Variants in CNBD1 observed in about 807,000 individuals in gnomAD.
CNBD1 encodes the protein cyclic nucleotide binding domain containing 1, also known as cyclic nucleotide-binding domain-containing protein 1.
A neutral mutation model predicts 54.4 loss-of-function variants in CNBD1; 71 were observed. The ratio of observed to expected loss-of-function variants is 1.30; its 90% CI spans 1.08 to 1.59. CNBD1 has a LOEUF of 1.59. Among genes scored for constraint, CNBD1 ranks in the 40% most tolerant of loss-of-function variants. The pLI is 0.00. For synonymous variants in CNBD1, 182 were observed against 170.7 expected (o/e 1.07, Z -0.51); for missense variants, 659 against 518.0 (o/e 1.27, Z -2.64).
At chr8:87,019,632 C>T (rs111586986) in intron 4 of CNBD1, among the ~76,000 whole-genome samples, 4,495 of 152,146 alleles carry the variant, frequency 0.03, 226 homozygotes, top group African/African-American at 0.1. Context: ...CATCCCAGCA[C>T]TTTGGGAGGC....
intron 4 of CNBD1, among the ~76,000 whole-genome samples, chr8:87,165,031 T>C (rs1434219860): frequency 6.6e-6 from 1 of 151,948 alleles, no homozygotes; most frequent in Non-Finnish European, 1.5e-5. Context: ...TATTTTCTTT[T>C]ACCCATTGGT....
intron 10 of CNBD1, among the ~76,000 whole-genome samples, chr8:87,367,962 G>C (rs1810676661): frequency 6.6e-6 from 1 of 152,030 alleles, no homozygotes; most frequent in Admixed American, 6.6e-5. Context: ...ACGAGGTCAG[G>C]AGTTTGATTA....
intron 4 of CNBD1, among the ~76,000 whole-genome samples, chr8:86,979,857 G>C (rs549011810): frequency 6.6e-6 from 1 of 152,224 alleles, no homozygotes; most frequent in South Asian, 2.1e-4. Context: ...AAGAAATGAT[G>C]ATATAAGAGC....
At chr8:87,267,907 C>T (rs1808294264) in intron 6 of CNBD1, among the ~76,000 whole-genome samples, 1 of 152,060 alleles carries the variant, frequency 6.6e-6, no homozygotes, top group Non-Finnish European at 1.5e-5. Flanking sequence ...TTTAACTATA[C>T]ACAAAAATTG....
Position 87,090,175 on chromosome 8 carries a change from T to C in CNBD1, c.432-115818T>C, listed in dbSNP as rs117012783. Among the ~76,000 whole-genome samples the C allele has an allele frequency of 1.7e-3, 255 of 152,274 alleles. 8 individuals are homozygous for C. In the East Asian group the frequency reaches 0.045, roughly 27 times the overall value. ...CACAAAAGATAAGTAAGCCAAACAC[T>C]GTTTGTTCATTCCTTCTGGGCTATG... is the stretch of plus-strand genomic sequence containing the variant. On this transcript the variant is annotated intron_variant, in intron 4 of 10. Transcript: ENST00000518476.
At chr8:87,010,052 T>C (rs1721630530) in intron 4 of CNBD1, among the ~76,000 whole-genome samples, 1 of 152,198 alleles carries the variant, frequency 6.6e-6, no homozygotes, top group Admixed American at 6.5e-5. Flanking sequence ...TTTAGGTTTT[T>C]CTCCTTATCT....
chr8:87,299,988 GA>G (rs939272052), intron 8 of CNBD1, among the ~76,000 whole-genome samples: 3 of 151,918 alleles, frequency 2.0e-5, no homozygotes, highest in African/African-American at 7.3e-5. Context: ...GAAATATGGA[GA>G]AAAAAATGAA....
chr8:87,399,667 G>A (rs959590464), intron 2 of CNBD1, among the ~76,000 whole-genome samples: 6 of 151,926 alleles, frequency 3.9e-5, no homozygotes, highest in Admixed American at 2.6e-4. Context: ...TCTAAGGAGT[G>A]CTTTTCAGAA....
chr8:87,317,149 T>C (rs1248860463), intron 8 of CNBD1, among the ~76,000 whole-genome samples: 5 of 151,808 alleles, frequency 3.3e-5, no homozygotes, highest in Non-Finnish European at 5.9e-5. Context: ...CTCAAAGAAA[T>C]AGCCTTGGTT....
At chr8:87,291,503 CCTT>C (rs753280511) in intron 8 of CNBD1, among the ~76,000 whole-genome samples, 78 of 152,160 alleles carry the variant, frequency 5.1e-4, no homozygotes, top group Middle Eastern at 6.8e-3. Context: ...ATATCCGCCT[CCTT>C]CTTCTTTTTA....
intron 4 of CNBD1, among the ~76,000 whole-genome samples, chr8:86,949,173 T>C (rs1180486599): frequency 6.6e-6 from 1 of 152,192 alleles, no homozygotes; most frequent in Non-Finnish European, 1.5e-5. Flanking sequence ...TAATTTAAAG[T>C]CAAGTAATGT....
At chr8:87,302,073 G>T (rs1472550025) in intron 8 of CNBD1, among the ~76,000 whole-genome samples, 1 of 152,140 alleles carries the variant, frequency 6.6e-6, no homozygotes, top group Non-Finnish European at 1.5e-5. Context: ...GGAGGAGCTG[G>T]TACCATTCCT....
chr8:87,173,772 C>A (rs1563495472), intron 4 of CNBD1, among the ~76,000 whole-genome samples: 1 of 151,120 alleles, frequency 6.6e-6, no homozygotes, highest in Non-Finnish European at 1.5e-5. Context: ...TGTTCTATAA[C>A]CTTCTTGTAC....
intron 4 of CNBD1, among the ~76,000 whole-genome samples, chr8:87,189,376 C>A (rs1010492713): frequency 1.3e-5 from 2 of 152,036 alleles, no homozygotes; most frequent in African/African-American, 4.8e-5. Flanking sequence ...TGTTTTATGA[C>A]CCAACCCCCC....
In CNBD1 at chr8:87,337,418, G is replaced by C. The variant is rs527843063; in HGVS notation, c.1043-14267G>C. Among the ~76,000 whole-genome samples, 6 of 152,286 alleles carry C rather than the reference G, an allele frequency of 3.9e-5. No individual in the cohort carries two copies. In the East Asian group the frequency reaches 5.8e-4, roughly 15 times the overall value. The stretch of plus-strand genomic sequence containing the variant: ...TCTAGCTGGAGTTGGATTTCCTACA[G>C]GGAGGCCCTGCAGCCACAGTGTTGG... On this transcript the variant is annotated intron_variant, in intron 8 of 10. Coordinates refer to ENST00000518476, the MANE Select transcript of CNBD1 (RefSeq NM_173538.3).
chr8:87,363,182 C>G (rs1175743167), intron 10 of CNBD1, among the ~76,000 whole-genome samples: 1 of 152,112 alleles, frequency 6.6e-6, no homozygotes, highest in Non-Finnish European at 1.5e-5. Flanking sequence ...AGGACATGAA[C>G]TCATCCTTTT....
At position 87,284,675 on chromosome 8, in the gene CNBD1, C is replaced by G. The variant is rs1162078521; in HGVS notation, c.772-3C>G. ...CATTAAATTGTCTCTGGTATTTTTA[C>G]AGCTTAGCAAATGGAGTACCTTTGG... On this transcript the variant is annotated splice_polypyrimidine_tract_variant and splice_region_variant and intron_variant, in intron 6 of 10. Transcript: ENST00000518476. 6.3e-7 allele frequency: 1 copy of G among 1,594,568 alleles called. No individual in the cohort carries two copies. The highest frequency in any genetic ancestry group is 8.5e-7 in the Non-Finnish European group (1 of 1,172,456).
At chr8:87,325,202 T>G (rs1317995214) in intron 8 of CNBD1, among the ~76,000 whole-genome samples, 1 of 95,054 alleles carries the variant, frequency 1.1e-5, no homozygotes, top group East Asian at 2.1e-4. Context: ...TTACATTTGC[T>G]GAGGAGAGCT....
chr8:86,882,336 AC>A lies in CNBD1; in HGVS notation c.89-5205del, dbSNP rs1475452848. 7.9e-5 allele frequency among the ~76,000 whole-genome samples: 12 copies of A among 152,324 alleles called. No homozygotes were observed. The South Asian group carries it at 8.3e-4, about 11-fold the overall frequency. On this transcript the variant is annotated intron_variant, in intron 1 of 10. Coordinates refer to ENST00000518476, the MANE Select transcript of CNBD1 (RefSeq NM_173538.3). ...ACTTAAACAAATTTACAAGAAAAAA[AC>A]AACCGCATTAAAAAGTGGGCAAAGG...
Sources: allele counts gnomAD v4.1 joint callset (sites outside exome capture counted in the v4.1 genomes callset), GRCh38; gene constraint gnomAD v4.1.1; transcripts MANE v1.5; gene names NCBI Gene and HGNC (gene_info 2026-07-23, HGNC 2026-07-21).